PPEF1: variants seen among roughly 807,000 people sequenced by gnomAD.
The protein encoded by PPEF1 is protein phosphatase with EF-hand domain 1.
In PPEF1, 12 loss-of-function variants were observed where a neutral mutation model predicts 53.3. The ratio of observed to expected loss-of-function variants is 0.23; its 90% CI spans 0.14 to 0.36. PPEF1 has a LOEUF of 0.36. PPEF1 is among the 10% of genes least tolerant of loss of function. PPEF1 has a pLI of 1.00. For synonymous variants in PPEF1, 165 were observed against 176.7 expected, an observed-to-expected ratio of 0.93 and a Z score of 0.52; for missense variants, 334 against 490.4, an observed-to-expected ratio of 0.68 and a Z score of 3.01.
chrX:18,735,829 G>C (rs951439206), intron 3 of PPEF1, among the ~76,000 whole-genome samples: 1 of 111,669 alleles, frequency 9.0e-6, no homozygotes, highest in Admixed American at 9.6e-5. Flanking sequence ...AGTTCTCCTT[G>C]AAGAGGTCCT....
At chrX:18,677,829 A>G (rs1007088238) in intron 1 of PPEF1, among the ~76,000 whole-genome samples, 6 of 111,242 alleles carry the variant, frequency 5.4e-5, no homozygotes, top group Non-Finnish European at 1.1e-4. Flanking sequence ...TATTCACTGG[A>G]TGCGTGTAGC....
intron 3 of PPEF1, among the ~76,000 whole-genome samples, chrX:18,736,601 G>A (rs1324374886): frequency 9.0e-6 from 1 of 111,292 alleles, no homozygotes; most frequent in African/African-American, 3.3e-5. Flanking sequence ...TTTTTTTGTT[G>A]TGTCTCTGCC....
At chrX:18,768,989 A>T (rs2147536164) in intron 6 of PPEF1, among the ~76,000 whole-genome samples, 1 of 112,551 alleles carries the variant, frequency 8.9e-6, no homozygotes. Context: ...ATCATGAAAG[A>T]TTTTATTCTC....
chrX:18,707,655 T>G lies in PPEF1; in HGVS notation c.-126T>G. The G allele has an allele frequency of 1.7e-6, 1 of 586,725 alleles. No homozygotes were observed. The allele number at this position is 586,725 out of a possible 1,213,427, so 48.4% of individuals were successfully genotyped here. ...TTCCCTCCCTCCTGTGTATTCCTCA[T>G]TAGAATCTATGACTGAAGAGGATCG... On this transcript the variant is annotated 5_prime_UTR_variant, in exon 1 of 16. Transcript: ENST00000470157.
At chrX:18,678,159 G>A (rs1006516686), upstream of PPEF1, among the ~76,000 whole-genome samples, 17 of 101,674 alleles carry the variant, frequency 1.7e-4, no homozygotes, top group Middle Eastern at 4.9e-3. Flanking sequence ...AGCCGGGTGC[G>A]ATGGCTCACG....
intron 3 of PPEF1, among the ~76,000 whole-genome samples, chrX:18,738,783 C>T (rs2045062951): frequency 8.9e-6 from 1 of 112,463 alleles, no homozygotes; most frequent in Non-Finnish European, 1.9e-5. Flanking sequence ...CAGATTTAGT[C>T]TTTTCACATA....
chrX:18,681,421 A>G (rs959687570), upstream of PPEF1, among the ~76,000 whole-genome samples: 2 of 112,192 alleles, frequency 1.8e-5, no homozygotes, highest in African/African-American at 6.5e-5. Flanking sequence ...TCCAGCATAT[A>G]GTAAGTGCTC....
intron 1 of PPEF1, among the ~76,000 whole-genome samples, chrX:18,716,821 G>C (rs569522325): frequency 2.4e-4 from 27 of 110,828 alleles, no homozygotes; most frequent in Non-Finnish European, 4.2e-4. Flanking sequence ...TACTGCCACC[G>C]TAGGGTATAT....
In PPEF1 at chrX:18,809,091, ATATCTATCTATC is replaced by A. The variant is rs58192421; in HGVS notation, c.1394+2585_1394+2596del. ...TATATATATATAGATATATCACATT[ATATCTATCTATC>A]TATCTATCTATCTATCTATCTATCT... On this transcript the variant is annotated intron_variant, in intron 12 of 15. Coordinates refer to ENST00000470157, the MANE Select transcript of PPEF1 (RefSeq NM_001377996.1). Among the ~76,000 whole-genome samples the A allele has an allele frequency of 7.2e-4, 70 of 96,803 alleles. 1 individual carries two copies. The highest frequency in any genetic ancestry group is 5.8e-3 in the East Asian group (18 of 3,111). The allele number at this position is 96,803 out of a possible 115,157, so 84.1% of individuals were successfully genotyped here. A position where few individuals can be genotyped will look rare whatever the true frequency, so the allele number is the denominator to read the frequency against.
At chrX:18,758,259 A>G (rs1276953282) in intron 5 of PPEF1, among the ~76,000 whole-genome samples, 2 of 111,541 alleles carry the variant, frequency 1.8e-5, no homozygotes, top group Admixed American at 9.5e-5. Flanking sequence ...TTGCTATCAT[A>G]TAGGCCAGCC....
upstream of PPEF1, among the ~76,000 whole-genome samples, chrX:18,682,158 C>G (rs1165519843): frequency 8.9e-6 from 1 of 112,719 alleles, no homozygotes; most frequent in African/African-American, 3.2e-5. Flanking sequence ...CAGGTGCGCA[C>G]TGCTGCCTCC....
chrX:18,694,581 A>G, intron 4 of PPEF1, among the ~76,000 whole-genome samples: 1 of 111,746 alleles, frequency 8.9e-6, no homozygotes, highest in East Asian at 2.8e-4. Context: ...TACAAAAAAT[A>G]CAAAAATTAG....
chrX:18,728,681 A>C (rs2044765966), intron 1 of PPEF1, among the ~76,000 whole-genome samples: 1 of 111,289 alleles, frequency 9.0e-6, no homozygotes, highest in African/African-American at 3.3e-5. Context: ...GGTTTTCTGA[A>C]ACCTGAATAA....
intron 1 of PPEF1, chrX:18,676,152 G>T (rs1315417782): frequency 1.8e-5 from 2 of 111,030 alleles, no homozygotes; most frequent in Non-Finnish European, 3.8e-5. Context: ...GAACACTAAG[G>T]TGGGGATCTG....
upstream of PPEF1, among the ~76,000 whole-genome samples, chrX:18,680,395 TG>T (rs1928831921): frequency 9.3e-6 from 1 of 107,793 alleles, no homozygotes; most frequent in Non-Finnish European, 1.9e-5. Flanking sequence ...CCCCCTTTCC[TG>T]CTTATTTTTC....
intron 3 of PPEF1, among the ~76,000 whole-genome samples, chrX:18,741,150 G>A (rs1168941198): frequency 9.0e-6 from 1 of 111,585 alleles, no homozygotes; most frequent in African/African-American, 3.3e-5. Context: ...GGGTGGAAGT[G>A]GGTACTTTGC....
chrX:18,721,543 A>G (rs769865523), intron 1 of PPEF1, among the ~76,000 whole-genome samples: 3 of 111,202 alleles, frequency 2.7e-5, no homozygotes, highest in East Asian at 5.7e-4. Context: ...TGGTAACTGG[A>G]AAGAATCTTA....
chrX:18,734,332 A>C (rs1244701094), intron 3 of PPEF1, among the ~76,000 whole-genome samples: 6 of 93,374 alleles, frequency 6.4e-5, no homozygotes, highest in Non-Finnish European at 1.0e-4. Context: ...CCTGTGTCCA[A>C]GTGTTCTCAT....
At chrX:18,687,395 G>A (rs773013569) in intron 3 of PPEF1, among the ~76,000 whole-genome samples, 53 of 111,423 alleles carry the variant, frequency 4.8e-4, no homozygotes, top group Non-Finnish European at 7.5e-4. Context: ...CTGTAGCCTC[G>A]TTTTATAGTT....
Sources: gnomAD v4.1 joint callset for allele counts (sites outside exome capture counted in the v4.1 genomes callset) on GRCh38, gnomAD v4.1.1 for gene constraint, MANE v1.5 for transcripts, NCBI Gene and HGNC (gene_info 2026-07-23, HGNC 2026-07-21) for gene names.